The following HACE1 variants were observed in gnomAD, a reference collection of about 807,000 sequenced individuals.
HACE1 encodes the protein HECT domain and ankyrin repeat containing E3 ubiquitin protein ligase 1, also known as E3 ubiquitin-protein ligase HACE1.
Under a neutral mutation model 118.4 loss-of-function variants are expected in HACE1, and 73 were observed. That is an observed-to-expected ratio of 0.62 (90% CI 0.51 to 0.75). The LOEUF (loss-of-function observed/expected upper bound fraction) is 0.75. Ranked by LOEUF, HACE1 falls within the 30% of genes least tolerant of loss-of-function variation. The probability of loss-of-function intolerance (pLI) is 0.00; values close to 1 mark genes in which losing one functional copy is unlikely to be tolerated. For missense variants in HACE1, 749 were observed against 1,102.2 expected (o/e 0.68, Z 4.54); for synonymous variants, 368 against 374.8 (o/e 0.98, Z 0.21).
In HACE1 at chr6:104,730,226, G is replaced by A. The variant is rs890776817; in HGVS notation, c.2627+77C>T. ...CAGCTGAGGTTTTCCTCCCAATGCA[G>A]CAACAGTTAGATCTCTGATCATTCA... is the stretch of plus-strand genomic sequence containing the variant. On this transcript the variant is annotated intron_variant, in intron 23 of 23. Coordinates refer to ENST00000262903, the MANE Select transcript of HACE1 (RefSeq NM_020771.4). The A allele has an allele frequency of 5.0e-6, 4 of 795,804 alleles. No individual in the cohort carries two copies. In the African/African-American group the frequency reaches 6.8e-5, roughly 14 times the overall value. The allele number at this position is 795,804 out of a possible 1,614,324, so 49.3% of individuals were successfully genotyped here. A position where few individuals can be genotyped will look rare whatever the true frequency, so the allele number is the denominator to read the frequency against.
intron 6 of HACE1, among the ~76,000 whole-genome samples, chr6:104,821,503 T>A (rs925097481): frequency 1.3e-5 from 2 of 152,196 alleles, no homozygotes; most frequent in Non-Finnish European, 2.9e-5. Flanking sequence ...TTATAAAAAC[T>A]ATACTGTTAA....
Position 104,763,253 on chromosome 6 carries a change from C to T in HACE1, c.2211+7940G>A, listed in dbSNP as rs138708989. On this transcript the variant is annotated intron_variant, in intron 19 of 23. Transcript: ENST00000262903. ...AACATGAAAAAACTGTAGACTTACA[C>T]TACCTGTTTTAAAAGTTTTCAGAGT... 1.8e-3 allele frequency among the ~76,000 whole-genome samples: 272 copies of T among 152,224 alleles called. 1 individual carries two copies. The highest frequency in any genetic ancestry group is 6.1e-3 in the African/African-American group (253 of 41,540).
chr6:104,736,307 C>T (rs1247803459), intron 22 of HACE1, among the ~76,000 whole-genome samples: 1 of 151,648 alleles, frequency 6.6e-6, no homozygotes, highest in African/African-American at 2.4e-5. Flanking sequence ...TTTTTTGAGA[C>T]AGGGTCTCAC....
At chr6:104,793,824 A>T (rs1168165349) in intron 10 of HACE1, among the ~76,000 whole-genome samples, 1 of 152,196 alleles carries the variant, frequency 6.6e-6, no homozygotes, top group Non-Finnish European at 1.5e-5. Context: ...TCTAACTAAT[A>T]ACCAATACTC....
At chr6:104,767,100 T>C (rs1005880592) in intron 19 of HACE1, among the ~76,000 whole-genome samples, 2 of 152,110 alleles carry the variant, frequency 1.3e-5, no homozygotes, top group African/African-American at 4.8e-5. Context: ...TAAAGAGAAA[T>C]AGCTATCTCA....
At chr6:104,813,978 A>C (rs1281807201) in intron 6 of HACE1, among the ~76,000 whole-genome samples, 1 of 138,308 alleles carries the variant, frequency 7.2e-6, no homozygotes, top group Admixed American at 7.1e-5. Context: ...CAAAAATACA[A>C]TGCAATAAAT....
chr6:104,840,331 G>T lies in HACE1; in HGVS notation c.402+2892C>A, dbSNP rs559316695. Among the ~76,000 whole-genome samples, 22 of 152,216 alleles carry T rather than the reference G, an allele frequency of 1.4e-4. No homozygotes were observed. In the South Asian group the frequency reaches 3.3e-3, roughly 23 times the overall value. On this transcript the variant is annotated intron_variant, in intron 5 of 23. Transcript: ENST00000262903. ...CAAAAAAATAATAACACACAAAAAT[G>T]ATCTAACTAAAATTACAATAATTGT...
At chr6:104,842,374 C>A (rs181635049) in intron 5 of HACE1, 5 of 151,580 alleles carry the variant, frequency 3.3e-5, no homozygotes, top group African/African-American at 1.2e-4. Context: ...GGGAGGCCGG[C>A]GGGTGGATCA....
rs113063216 is a variant in HACE1, at chr6:104,823,101, C to T, written c.534+9941G>A. Among the ~76,000 whole-genome samples, 761 of 152,140 alleles carry T rather than the reference C, an allele frequency of 5.0e-3. 6 individuals carry two copies. The highest frequency in any genetic ancestry group is 0.024 in the Middle Eastern group (7 of 292). ...TTTTTGCTATCACTTTTAATATATC[C>T]TACAAAGACATTAATTTTTTTTTAA... On this transcript the variant is annotated intron_variant, in intron 6 of 23. Transcript: ENST00000262903.
intron 23 of HACE1, among the ~76,000 whole-genome samples, chr6:104,729,975 A>G (rs1775028087): frequency 6.6e-6 from 1 of 152,210 alleles, no homozygotes; most frequent in Non-Finnish European, 1.5e-5. Flanking sequence ...GGAAGAAAAT[A>G]CGTTCCTTTC....
At chr6:104,780,256 C>A (rs1285888290) in intron 14 of HACE1, 1 of 327,924 alleles carries the variant, frequency 3.0e-6, no homozygotes, top group Non-Finnish European at 5.9e-6. Flanking sequence ...AAGGTACAAA[C>A]TGCTACCTTC....
At chr6:104,775,916 G>A (rs541770976) in intron 17 of HACE1, among the ~76,000 whole-genome samples, 1 of 152,162 alleles carries the variant, frequency 6.6e-6, no homozygotes, top group Non-Finnish European at 1.5e-5. Flanking sequence ...TAAACATTTG[G>A]GGAGAGAAAA....
chr6:104,846,282 C>G (rs1448212676), intron 4 of HACE1, among the ~76,000 whole-genome samples: 1 of 152,168 alleles, frequency 6.6e-6, no homozygotes. Context: ...TGGGCCCTAC[C>G]CTTTATGAGC....
chr6:104,776,826 A>T lies in HACE1; in HGVS notation c.1779T>A (p.Gly593=). 2 of 1,599,082 alleles carry T rather than the reference A, an allele frequency of 1.3e-6. No homozygotes were observed. The highest frequency in any genetic ancestry group is 8.6e-7 in the Non-Finnish European group (1 of 1,166,354). The change falls in exon 17 of 24, where the codon GGT becomes GGA. Residue 593 remains glycine (G), a splice_region_variant and synonymous_variant. Transcript: ENST00000262903. Reference sequence around the variant, plus strand: ...CAAACCACTCACGCACAACACCTTGACCCTGAATTCAAGAAATAAAATTAA... The same window carrying T: ...CAAACCACTCACGCACAACACCTTGTCCCTGAATTCAAGAAATAAAATTAA... The part of the protein sequence containing the change: ...AVRFHGEEGM[G]QGVVREWFDI...
intron 4 of HACE1, among the ~76,000 whole-genome samples, chr6:104,845,476 CTTTTTT>C (rs35701834): frequency 7.5e-6 from 1 of 134,114 alleles, no homozygotes; most frequent in Non-Finnish European, 1.6e-5. Context: ...TCTGGGTAAA[CTTTTTT>C]TTTTTTTTTT....
At chr6:104,835,382 G>A (rs564711811) in intron 5 of HACE1, among the ~76,000 whole-genome samples, 142 of 152,194 alleles carry the variant, frequency 9.3e-4, no homozygotes, top group Middle Eastern at 6.8e-3. Context: ...ACTGTCAGAG[G>A]GAGAACATAC....
At chr6:104,771,422 T>C (rs755250395) in intron 18 of HACE1, 33 bp from the exon 19 acceptor site, 11 of 1,419,116 alleles carry the variant, frequency 7.8e-6, no homozygotes, top group Admixed American at 1.7e-5. Context: ...AGTTATAGTC[T>C]GGTTTTGCCT....
At chr6:104,788,523 T>A (rs1395551873) in intron 11 of HACE1, among the ~76,000 whole-genome samples, 2 of 152,134 alleles carry the variant, frequency 1.3e-5, no homozygotes, top group Non-Finnish European at 2.9e-5. Flanking sequence ...TACATTGATA[T>A]CCTGTTAGTC....
intron 22 of HACE1, among the ~76,000 whole-genome samples, chr6:104,737,513 T>C (rs1776026721): frequency 1.3e-5 from 2 of 152,096 alleles, no homozygotes; most frequent in African/African-American, 4.8e-5. Flanking sequence ...TTGCCTCACT[T>C]GGGAAGCGCA....
Sources: allele counts gnomAD v4.1 joint callset (sites outside exome capture counted in the v4.1 genomes callset), GRCh38; gene constraint gnomAD v4.1.1; transcripts MANE v1.5; gene names NCBI Gene and HGNC (gene_info 2026-07-23, HGNC 2026-07-21).